SUCLG2: variants seen among roughly 807,000 people sequenced by gnomAD.
SUCLG2 encodes the protein succinate--CoA ligase [GDP-forming] subunit beta, mitochondrial.
In SUCLG2, 42 loss-of-function variants were observed where a neutral mutation model predicts 47.9. That is an observed-to-expected ratio of 0.88 (90% CI 0.69 to 1.14). The LOEUF (loss-of-function observed/expected upper bound fraction) is 1.14. Ranked by LOEUF, SUCLG2 falls within the 50% of genes most tolerant of loss-of-function variation. The probability of loss-of-function intolerance (pLI) is 0.00; values close to 1 mark genes in which losing one functional copy is unlikely to be tolerated. For missense variants in SUCLG2, 571 were observed against 525.9 expected, an observed-to-expected ratio of 1.09 and a Z score of -0.84; for synonymous variants, 195 against 197.3, an observed-to-expected ratio of 0.99 and a Z score of 0.10.
At chr3:67,568,336 A>C (rs1707520150) in intron 2 of SUCLG2, among the ~76,000 whole-genome samples, 2 of 152,186 alleles carry the variant, frequency 1.3e-5, no homozygotes, top group African/African-American at 4.8e-5. Flanking sequence ...AAAGTAGCAA[A>C]GTAAGGAAGG....
At chr3:67,504,469 A>C (rs1003716287) in intron 7 of SUCLG2, among the ~76,000 whole-genome samples, 1 of 152,232 alleles carries the variant, frequency 6.6e-6, no homozygotes, top group Non-Finnish European at 1.5e-5. Flanking sequence ...AATCTTAGCC[A>C]GATAGTCACT....
downstream of SUCLG2, among the ~76,000 whole-genome samples, chr3:67,370,536 C>T (rs556367091): frequency 6.6e-6 from 1 of 152,180 alleles, no homozygotes; most frequent in Non-Finnish European, 1.5e-5. Context: ...ACAGGAATCC[C>T]CCCTTACCTG....
At chr3:67,600,331 C>G (rs1575807759) in intron 2 of SUCLG2, among the ~76,000 whole-genome samples, 1 of 152,026 alleles carries the variant, frequency 6.6e-6, no homozygotes, top group Non-Finnish European at 1.5e-5. Context: ...TGGCTCAGTT[C>G]AATCCAAAAA....
intron 2 of SUCLG2, among the ~76,000 whole-genome samples, chr3:67,546,483 C>T (rs1034948703): frequency 2.0e-5 from 3 of 152,128 alleles, no homozygotes; most frequent in Non-Finnish European, 2.9e-5. Flanking sequence ...ACCTGTAATC[C>T]CAGCACTTTG....
intron 9 of SUCLG2, among the ~76,000 whole-genome samples, chr3:67,404,472 T>C (rs1013006801): frequency 5.3e-5 from 8 of 151,990 alleles, no homozygotes; most frequent in African/African-American, 1.7e-4. Context: ...AGAAAGAGTA[T>C]GACAAATACT....
chr3:67,542,053 T>C (rs1055216598), intron 2 of SUCLG2, among the ~76,000 whole-genome samples: 5 of 151,986 alleles, frequency 3.3e-5, no homozygotes, highest in African/African-American at 4.8e-5. Context: ...TTGTATTTTT[T>C]AGTAGAGACG....
At chr3:67,401,056 T>TA (rs1702673900) in intron 9 of SUCLG2, among the ~76,000 whole-genome samples, 3 of 152,130 alleles carry the variant, frequency 2.0e-5, no homozygotes, top group Non-Finnish European at 4.4e-5. Context: ...CAATATAACA[T>TA]TACCAAATTT....
intron 2 of SUCLG2, among the ~76,000 whole-genome samples, chr3:67,534,337 A>G (rs918012826): frequency 6.6e-6 from 1 of 152,142 alleles, no homozygotes; most frequent in Non-Finnish European, 1.5e-5. Flanking sequence ...CAAAAAATGT[A>G]TTTATGCTTT....
At chr3:67,611,458 T>G (rs1189357320) in intron 1 of SUCLG2, among the ~76,000 whole-genome samples, 1 of 152,212 alleles carries the variant, frequency 6.6e-6, no homozygotes, top group African/African-American at 2.4e-5. Context: ...CTCAAAGGCT[T>G]TATAGTCTTA....
downstream of SUCLG2, among the ~76,000 whole-genome samples, chr3:67,370,387 G>T (rs911336851): frequency 6.6e-6 from 1 of 152,058 alleles, no homozygotes; most frequent in African/African-American, 2.4e-5. Context: ...TTTTTTATTG[G>T]TATCCAGGGA....
At chr3:67,504,732 G>T (rs1705592133) in intron 7 of SUCLG2, among the ~76,000 whole-genome samples, 1 of 152,108 alleles carries the variant, frequency 6.6e-6, no homozygotes, top group Non-Finnish European at 1.5e-5. Flanking sequence ...AGTACAACTT[G>T]CTTTAAAGAC....
chr3:67,647,848 A>G (rs1406274027), intron 1 of SUCLG2, among the ~76,000 whole-genome samples: 1 of 152,186 alleles, frequency 6.6e-6, no homozygotes, highest in East Asian at 1.9e-4. Flanking sequence ...GCTGGGAACA[A>G]TAACTCCTAT....
At chr3:67,371,350 G>C (rs1357759312), downstream of SUCLG2, among the ~76,000 whole-genome samples, 3 of 152,196 alleles carry the variant, frequency 2.0e-5, no homozygotes, top group Non-Finnish European at 4.4e-5. Context: ...TATGAGATAA[G>C]ACTGCCAGAC....
chr3:67,522,661 C>CT (rs201002662), intron 4 of SUCLG2, among the ~76,000 whole-genome samples: 1,688 of 134,424 alleles, frequency 0.013, 23 homozygotes, highest in East Asian at 0.051. Context: ...GCTTTTCTTT[C>CT]TTTTTTTTTT....
At chr3:67,493,840 A>G (rs1007022248) in intron 9 of SUCLG2, among the ~76,000 whole-genome samples, 5 of 152,348 alleles carry the variant, frequency 3.3e-5, no homozygotes, top group African/African-American at 7.2e-5. Context: ...GAATTAATAC[A>G]TGATTAGAGA....
At chr3:67,638,930 G>A (rs1701052445) in intron 1 of SUCLG2, among the ~76,000 whole-genome samples, 2 of 152,136 alleles carry the variant, frequency 1.3e-5, no homozygotes, top group African/African-American at 4.8e-5. Flanking sequence ...CTAATGGGAA[G>A]GTTATAGGAA....
chr3:67,417,321 T>G (rs893144134), intron 9 of SUCLG2, among the ~76,000 whole-genome samples: 1 of 152,354 alleles, frequency 6.6e-6, no homozygotes, highest in East Asian at 1.9e-4. Context: ...GCAGTCATCA[T>G]TGCTAGCTGC....
In SUCLG2 at chr3:67,637,040, C is replaced by T. The variant is rs888261320; in HGVS notation, c.84+17463G>A. On this transcript the variant is annotated intron_variant, in intron 1 of 10. Coordinates refer to ENST00000307227, the MANE Select transcript of SUCLG2 (RefSeq NM_003848.4). ...CATCATGAGTGATTATTGATGTCTA[C>T]GACAGGAAGAGAGAGGGGCAGCTCA... is the stretch of plus-strand genomic sequence containing the variant. Among the ~76,000 whole-genome samples the T allele has an allele frequency of 5.3e-5, 8 of 151,808 alleles. No homozygotes were observed. The East Asian group carries it at 1.4e-3, about 26-fold the overall frequency.
At chr3:67,439,119 A>T (rs1031059888) in intron 9 of SUCLG2, among the ~76,000 whole-genome samples, 4 of 152,232 alleles carry the variant, frequency 2.6e-5, no homozygotes, top group African/African-American at 9.6e-5. Context: ...TCACATAAAC[A>T]GAACCAATGA....
Sources: allele counts gnomAD v4.1 joint callset (sites outside exome capture counted in the v4.1 genomes callset), GRCh38; gene constraint gnomAD v4.1.1; transcripts MANE v1.5; gene names NCBI Gene and HGNC (gene_info 2026-07-23, HGNC 2026-07-21).